Variants in UBR3 observed in about 807,000 individuals in gnomAD.
UBR3 encodes ubiquitin protein ligase E3 component n-recognin 3.
UBR3 carries 85 observed loss-of-function variants against 243.2 expected under a neutral mutation model. The ratio of observed to expected loss-of-function variants is 0.35; its 90% CI spans 0.29 to 0.42. UBR3 has a LOEUF of 0.42. Ranked by LOEUF, UBR3 falls within the 10% of genes least tolerant of loss-of-function variation. The probability of loss-of-function intolerance (pLI) is 1.00; values close to 1 mark genes in which losing one functional copy is unlikely to be tolerated. For synonymous variants in UBR3, 748 were observed against 799.8 expected (o/e 0.94, Z 1.09); for missense variants, 1,686 against 2,300.8 (o/e 0.73, Z 5.47).
chr2:169,854,047 A>G (rs2082754846), intron 1 of UBR3, among the ~76,000 whole-genome samples: 1 of 152,068 alleles, frequency 6.6e-6, no homozygotes, highest in Non-Finnish European at 1.5e-5. Flanking sequence ...GAGGGAGAGC[A>G]TTAGGACAAA....
chr2:169,986,616 A>G, intron 24 of UBR3, 29 bp from the exon 25 acceptor site: 3 of 1,589,976 alleles, frequency 1.9e-6, no homozygotes, highest in Non-Finnish European at 2.6e-6. Flanking sequence ...CTCCTAAGGA[A>G]TTAAAGAGAT....
At chr2:170,052,458 C>CT (rs932723233) in intron 32 of UBR3, among the ~76,000 whole-genome samples, 22 of 152,146 alleles carry the variant, frequency 1.4e-4, no homozygotes, top group Admixed American at 1.4e-3. Flanking sequence ...ACCTAAGTGT[C>CT]TGTCAATGGA....
chr2:170,074,040 T>C (rs1306745502), intron 36 of UBR3, among the ~76,000 whole-genome samples: 1 of 152,204 alleles, frequency 6.6e-6, no homozygotes, highest in East Asian at 1.9e-4. Flanking sequence ...AAAGGGTTTG[T>C]ATTGAAGATA....
At chr2:169,851,275 C>A (rs2082647293) in intron 1 of UBR3, among the ~76,000 whole-genome samples, 1 of 152,136 alleles carries the variant, frequency 6.6e-6, no homozygotes, top group Non-Finnish European at 1.5e-5. Context: ...CAGGTGTGTG[C>A]CACCATGTTT....
chr2:169,958,986 C>T (rs2087440725), intron 24 of UBR3, among the ~76,000 whole-genome samples: 1 of 152,010 alleles, frequency 6.6e-6, no homozygotes, highest in Non-Finnish European at 1.5e-5. Context: ...GAGAGGATAC[C>T]ATGTTTCTGT....
chr2:170,035,683 C>G (rs2090806571), intron 31 of UBR3, among the ~76,000 whole-genome samples: 1 of 151,862 alleles, frequency 6.6e-6, no homozygotes, highest in Admixed American at 6.6e-5. Flanking sequence ...ATCAGTTTGT[C>G]AACATCTACA....
At chr2:170,017,006 C>A in intron 30 of UBR3, 1 of 210,112 alleles carries the variant, frequency 4.8e-6, no homozygotes. Context: ...GCCTGTAAGT[C>A]ATATATATAT....
chr2:169,852,879 CAAAA>C (rs59565719), intron 1 of UBR3, among the ~76,000 whole-genome samples: 36,359 of 82,700 alleles, frequency 0.44, 9,820 homozygotes, highest in Non-Finnish European at 0.55. Context: ...AAAAAAAAAA[CAAAA>C]CCAAACAAAT....
chr2:170,073,577 A>G lies in UBR3; in HGVS notation c.5169A>G (p.Ser1723=), dbSNP rs1357381453. The change falls in exon 36 of 39, where the codon TCA becomes TCG. Residue 1723 remains serine (S), a synonymous_variant. Coordinates refer to ENST00000272793, the MANE Select transcript of UBR3 (RefSeq NM_172070.4). ...IITQWCFEIK[S]FTERHAEQGK... is the part of the protein sequence containing the mutation. ...CTCAGTGGTGTTTTGAGATAAAATCATTTACTGAAAGACATGCAGAACAAG... is the reference window on the plus strand; with the variant it reads ...CTCAGTGGTGTTTTGAGATAAAATCGTTTACTGAAAGACATGCAGAACAAG... 6.2e-7 allele frequency: 1 copy of G among 1,613,296 alleles called. No individual in the cohort carries two copies. The highest frequency in any genetic ancestry group is 8.5e-7 in the Non-Finnish European group (1 of 1,179,568).
Position 170,083,587 on chromosome 2 carries a change from C to A in UBR3, c.*1744C>A. On this transcript the variant is annotated 3_prime_UTR_variant, in exon 39 of 39. Coordinates refer to ENST00000272793, the MANE Select transcript of UBR3 (RefSeq NM_172070.4). ...TTGACATCTCTAGTAAATACTGTTA[C>A]AGGATTCATGAACTTGAATAATTCT... The A allele has an allele frequency of 6.6e-6, 1 of 152,536 alleles. No individual in the cohort carries two copies. The highest frequency in any genetic ancestry group is 1.5e-5 in the Non-Finnish European group (1 of 67,996). The allele number at this position is 152,536 out of a possible 1,614,324, so 9.4% of individuals were successfully genotyped here.
intron 35 of UBR3, among the ~76,000 whole-genome samples, chr2:170,066,917 T>G (rs1260278521): frequency 1.3e-5 from 2 of 150,938 alleles, no homozygotes; most frequent in African/African-American, 4.9e-5. Context: ...TGAGCCGAGA[T>G]CGCGCCACCG....
intron 24 of UBR3, among the ~76,000 whole-genome samples, chr2:169,976,989 C>T (rs2088479300): frequency 1.3e-5 from 2 of 150,870 alleles, no homozygotes; most frequent in Admixed American, 1.3e-4. Flanking sequence ...TTGATCAAGT[C>T]TGCTGTTGAA....
chr2:169,886,614 T>G (rs1470904482), intron 5 of UBR3, among the ~76,000 whole-genome samples: 3 of 152,338 alleles, frequency 2.0e-5, no homozygotes, highest in Middle Eastern at 3.4e-3. Context: ...AAAATCTATG[T>G]CCTCATTTAG....
At chr2:170,006,131 T>A (rs1465619835) in intron 27 of UBR3, among the ~76,000 whole-genome samples, 1 of 152,146 alleles carries the variant, frequency 6.6e-6, no homozygotes, top group Non-Finnish European at 1.5e-5. Context: ...TTGCCCCAAT[T>A]TTTTAGCACA....
chr2:169,856,838 G>A (rs2082888415), intron 1 of UBR3, among the ~76,000 whole-genome samples: 1 of 151,522 alleles, frequency 6.6e-6, no homozygotes, highest in African/African-American at 2.4e-5. Context: ...GGAGAGGGAG[G>A]GGGAGGGGGA....
intron 1 of UBR3, among the ~76,000 whole-genome samples, chr2:169,837,135 A>G (rs910613298): frequency 1.3e-5 from 2 of 152,192 alleles, no homozygotes; most frequent in Non-Finnish European, 2.9e-5. Flanking sequence ...TTATTTTTAC[A>G]TGTAGTATGA....
At chr2:169,853,509 G>A (rs1348516810) in intron 1 of UBR3, among the ~76,000 whole-genome samples, 5 of 150,466 alleles carry the variant, frequency 3.3e-5, no homozygotes, top group Non-Finnish European at 7.4e-5. Flanking sequence ...AGAGTGCAGC[G>A]GTGTGATCTT....
chr2:169,992,849 C>T (rs1394053769), intron 25 of UBR3, among the ~76,000 whole-genome samples: 1 of 152,228 alleles, frequency 6.6e-6, no homozygotes, highest in Non-Finnish European at 1.5e-5. Flanking sequence ...CAACCCCAGC[C>T]TCCCAGGCTC....
At chr2:169,956,993 T>C (rs935526185) in intron 23 of UBR3, among the ~76,000 whole-genome samples, 3 of 152,220 alleles carry the variant, frequency 2.0e-5, no homozygotes, top group Admixed American at 6.5e-5. Flanking sequence ...ATTATGGGTA[T>C]GACACAAAGG....
Sources: allele counts gnomAD v4.1 joint callset (sites outside exome capture counted in the v4.1 genomes callset), GRCh38; gene constraint gnomAD v4.1.1; transcripts MANE v1.5; gene names NCBI Gene and HGNC (gene_info 2026-07-23, HGNC 2026-07-21).